Variants in PSG3 observed in about 807,000 individuals in gnomAD.
The protein encoded by PSG3 is pregnancy specific beta-1-glycoprotein 3, also known as pregnancy-specific beta-1-glycoprotein 3.
PSG3 carries 61 observed loss-of-function variants against 47.5 expected under a neutral mutation model. That is an observed-to-expected ratio of 1.28 (90% CI 1.05 to 1.59). PSG3 has a LOEUF of 1.59. Among genes scored for constraint, PSG3 ranks in the 40% most tolerant of loss-of-function variants. PSG3 has a pLI of 0.00. For missense variants in PSG3, 756 were observed against 524.0 expected (o/e 1.44, Z -4.32); for synonymous variants, 263 against 198.4 (o/e 1.33, Z -2.74).
At chr19:42,736,612 TTG>T (rs61479007) in intron 2 of PSG3, among the ~76,000 whole-genome samples, 6,732 of 138,610 alleles carry the variant, frequency 0.049, 196 homozygotes, top group Admixed American at 0.079. Flanking sequence ...TTCAATACAT[TTG>T]TGTGTGTGTG....
chr19:42,739,984 G>A (rs996753648), intron 1 of PSG3, among the ~76,000 whole-genome samples: 2 of 143,468 alleles, frequency 1.4e-5, no homozygotes, highest in African/African-American at 5.2e-5. Flanking sequence ...ACGGAGTCTT[G>A]TACTGTCGCC....
At chr19:42,723,717 A>G (rs1310620576) in intron 6 of PSG3, among the ~76,000 whole-genome samples, 3 of 152,236 alleles carry the variant, frequency 2.0e-5, no homozygotes, top group East Asian at 1.9e-4. Context: ...TGAGAAACAA[A>G]TGAGCAGAGA....
chr19:42,723,837 G>A, intron 6 of PSG3, 105 bp downstream of exon 6: 1 of 883,298 alleles, frequency 1.1e-6, no homozygotes, highest in Non-Finnish European at 1.8e-6. Context: ...GTTAGTGGAG[G>A]AAGGAGGAGA....
intron 2 of PSG3, among the ~76,000 whole-genome samples, chr19:42,736,612 TTGTGTGTG>T (rs61479007): frequency 0.53 from 73,622 of 138,548 alleles, 20,655 homozygotes; most frequent in South Asian, 0.65. Flanking sequence ...TTCAATACAT[TTGTGTGTG>T]TGTGTGTGTG....
intron 2 of PSG3, among the ~76,000 whole-genome samples, chr19:42,736,965 G>A (rs10414928): frequency 0.039 from 5,999 of 152,112 alleles, 399 homozygotes; most frequent in African/African-American, 0.14. Flanking sequence ...GAAGACCTAG[G>A]GGTGGGGGAA....
At chr19:42,732,629 A>T in intron 3 of PSG3, 155 bp downstream of exon 3, 1 of 1,546,428 alleles carries the variant, frequency 6.5e-7, no homozygotes, top group South Asian at 1.1e-5. Flanking sequence ...GCCTAGGCCT[A>T]CTCTGGTTTG....
chr19:42,727,247 T>C (rs1229050510), intron 5 of PSG3, among the ~76,000 whole-genome samples: 2 of 152,070 alleles, frequency 1.3e-5, no homozygotes, highest in Non-Finnish European at 1.5e-5. Context: ...AGGCAACAAA[T>C]AAAATGGATA....
At position 42,736,654 on chromosome 19, in the gene PSG3, G is replaced by A. The variant is rs1344221986; in HGVS notation, c.430+2070C>T. 7.0e-5 allele frequency among the ~76,000 whole-genome samples: 9 copies of A among 129,106 alleles called. No homozygotes were observed. In the South Asian group the frequency reaches 2.1e-3, roughly 30 times the overall value. The allele number at this position is 129,106 out of a possible 152,430, so 84.7% of individuals were successfully genotyped here. ...TGTGTGTGTGTGTGTGTGTGTGTGT[G>A]TGTGTGCAGGAGGCCAGAAGAACTT... is the stretch of plus-strand genomic sequence containing the variant. On this transcript the variant is annotated intron_variant, in intron 2 of 6. Coordinates refer to ENST00000327495, the MANE Select transcript of PSG3 (RefSeq NM_021016.4).
At chr19:42,724,455 C>A (rs1205466654) in intron 5 of PSG3, among the ~76,000 whole-genome samples, 1 of 152,172 alleles carries the variant, frequency 6.6e-6, no homozygotes, top group East Asian at 1.9e-4. Context: ...AAATTCACCA[C>A]CTCCTTTGCA....
intron 5 of PSG3, among the ~76,000 whole-genome samples, chr19:42,727,347 T>C (rs1002241826): frequency 6.6e-5 from 10 of 151,988 alleles, no homozygotes; most frequent in African/African-American, 2.4e-4. Context: ...TAAAAATATT[T>C]GCAAATTATA....
chr19:42,729,264 T>G lies in PSG3; in HGVS notation c.1102A>C (p.Ile368Leu). 1 of 1,614,062 alleles carries G rather than the reference T, an allele frequency of 6.2e-7. No individual in the cohort carries two copies. The highest frequency in any genetic ancestry group is 8.5e-7 in the Non-Finnish European group (1 of 1,179,942). The change falls in exon 5 of 7, where the codon ATT becomes CTT. Residue 368 changes from isoleucine to leucine, a missense_variant. Coordinates refer to ENST00000327495, the MANE Select transcript of PSG3 (RefSeq NM_021016.4). ...SNPPAEYSWT[I>L]NGKFQLSGQK... ...CCTGATAGCTGAAACTTCCCATTAATTGTCCAAGAATATTCTGCTGGTGGG... is the reference window on the plus strand; with the variant it reads ...CCTGATAGCTGAAACTTCCCATTAAGTGTCCAAGAATATTCTGCTGGTGGG...
chr19:42,721,980 A>G lies in PSG3; in HGVS notation c.*151T>C, dbSNP rs1410412216. 1.4e-5 allele frequency: 6 copies of G among 416,900 alleles called. No individual in the cohort carries two copies. The highest frequency in any genetic ancestry group is 3.6e-5 in the East Asian group (1 of 28,080). The allele number at this position is 416,900 out of a possible 1,614,324, so 25.8% of individuals were successfully genotyped here. On this transcript the variant is annotated 3_prime_UTR_variant, in exon 7 of 7. Transcript: ENST00000327495. ...TGGTATGATCTTGAAGTTATCAGGA[A>G]CTTGTATTCAAGAGTCCTTGTCAGA...
chr19:42,739,543 C>T (rs1969632090), intron 1 of PSG3: 1 of 171,220 alleles, frequency 5.8e-6, no homozygotes, highest in Admixed American at 5.4e-5. Context: ...TGTCTGTCTT[C>T]CCCCCCATGA....
intron 5 of PSG3, among the ~76,000 whole-genome samples, chr19:42,725,793 G>A (rs1969366517): frequency 6.6e-6 from 1 of 151,128 alleles, no homozygotes; most frequent in Non-Finnish European, 1.5e-5. Context: ...GAGCCCAGGA[G>A]GTTGAGGCTG....
chr19:42,740,439 C>A lies in PSG3; in HGVS notation c.-55G>T. The A allele has an allele frequency of 1.2e-6, 2 of 1,613,630 alleles. No homozygotes were observed. The highest frequency in any genetic ancestry group is 2.2e-5 in the East Asian group (1 of 44,872). ...TGGAGCTGAGCCTAGGATCCAGAAA[C>A]TTCCTGAGCATGGCTCTCAGCTGTG... On this transcript the variant is annotated 5_prime_UTR_variant, in exon 1 of 7. Coordinates refer to ENST00000327495, the MANE Select transcript of PSG3 (RefSeq NM_021016.4).
intron 3 of PSG3, among the ~76,000 whole-genome samples, chr19:42,730,288 G>A (rs1969451871): frequency 6.6e-6 from 1 of 152,182 alleles, no homozygotes; most frequent in Admixed American, 6.5e-5. Context: ...CAATTGAGCA[G>A]CAGTGTTGGG....
intron 2 of PSG3, among the ~76,000 whole-genome samples, chr19:42,737,974 A>C (rs916200957): frequency 3.9e-4 from 60 of 152,344 alleles, no homozygotes; most frequent in African/African-American, 1.2e-3. Flanking sequence ...ATGAGAAAGC[A>C]CCTTTATGTC....
rs1375271566 is a variant in PSG3, at chr19:42,739,037, T to C, written c.117A>G (p.Glu39=). The C allele has an allele frequency of 6.2e-7, 1 of 1,613,518 alleles. No homozygotes were observed. Among genetic ancestry groups the C allele is most frequent in the East Asian group, 2.2e-5 (1 of 44,858 alleles). ...NLPTTAQVTI[E]AEPTKVSKGK... ...CCTTGGAAACTTTGGTTGGCTCGGCTTCAATCGTGACTTGGGCAGTGGTAG... is the reference window on the plus strand; with the variant it reads ...CCTTGGAAACTTTGGTTGGCTCGGCCTCAATCGTGACTTGGGCAGTGGTAG... Residue 39 remains glutamate (E), a synonymous_variant, in exon 2 of 7, where the codon GAA becomes GAG. Transcript: ENST00000327495.
At position 42,738,785 on chromosome 19, in the gene PSG3, G is replaced by A. The variant is rs563409953; in HGVS notation, c.369C>T (p.His123=). The change falls in exon 2 of 7, where the codon CAC becomes CAT. Residue 123 remains histidine, a synonymous_variant. Transcript: ENST00000327495. ...TREDAGSYTL[H]IVKRGDGTRG... is the part of the protein sequence containing the mutation. Reference sequence around the variant, plus strand: ...TAGTCCCATCACCTCGCTTTACGATGTGTAAGGTGTAGGATCCTGCGTCCT... The same window carrying A: ...TAGTCCCATCACCTCGCTTTACGATATGTAAGGTGTAGGATCCTGCGTCCT... 6.2e-7 allele frequency: 1 copy of A among 1,614,130 alleles called. No individual in the cohort carries two copies. Among genetic ancestry groups the A allele is most frequent in the South Asian group, 1.1e-5 (1 of 91,074 alleles).
Sources: gnomAD v4.1 joint callset for allele counts (sites outside exome capture counted in the v4.1 genomes callset) on GRCh38, gnomAD v4.1.1 for gene constraint, MANE v1.5 for transcripts, NCBI Gene and HGNC (gene_info 2026-07-23, HGNC 2026-07-21) for gene names.